PSMD4: variants seen among roughly 807,000 people sequenced by gnomAD.
PSMD4 encodes the protein proteasome 26S subunit ubiquitin receptor, non-ATPase 4, also known as 26S proteasome non-ATPase regulatory subunit 4.
PSMD4 carries 5 observed loss-of-function variants against 39.7 expected under a neutral mutation model. The ratio of observed to expected loss-of-function variants is 0.13; its 90% CI spans 0.07 to 0.26. The LOEUF (loss-of-function observed/expected upper bound fraction) is 0.26. Ranked by LOEUF, PSMD4 falls within the 10% of genes least tolerant of loss-of-function variation. The pLI is 1.00. For missense variants in PSMD4, 272 were observed against 486.1 expected, an observed-to-expected ratio of 0.56 and a Z score of 4.14; for synonymous variants, 143 against 174.6, an observed-to-expected ratio of 0.82 and a Z score of 1.43.
intron 2 of PSMD4, 115 bp downstream of exon 2, chr1:151,262,416 C>T: frequency 7.7e-7 from 1 of 1,301,554 alleles, no homozygotes; most frequent in Admixed American, 1.7e-5. Flanking sequence ...GCCTTCTGCA[C>T]TATTTAGTGT....
rs938923327 is a variant in PSMD4 at position 151,265,752 on chromosome 1, TC to T, written c.654+146del. ...TCCAAGACCTCCTTTTGCCGCCTCT[TC>T]CCTATAATGCTGTCTGATCTCTAGG... is the stretch of plus-strand genomic sequence containing the variant. On this transcript the variant is annotated intron_variant, in intron 6 of 9. Transcript: ENST00000368884. 4.1e-6 allele frequency: 4 copies of T among 972,568 alleles called. No individual in the cohort carries two copies. The African/African-American group carries it at 4.9e-5, about 12-fold the overall frequency. The allele number at this position is 972,568 out of a possible 1,614,324, so 60.2% of individuals were successfully genotyped here. A position where few individuals can be genotyped will look rare whatever the true frequency, so the allele number is the denominator to read the frequency against.
intron 1 of PSMD4, among the ~76,000 whole-genome samples, chr1:151,257,697 G>T (rs587650113): frequency 2.1e-5 from 3 of 145,054 alleles, no homozygotes; most frequent in Non-Finnish European, 3.0e-5. Flanking sequence ...CCAGGCACCC[G>T]CCACCATACC....
At chr1:151,257,264 T>C (rs587629851) in intron 1 of PSMD4, among the ~76,000 whole-genome samples, 5 of 152,298 alleles carry the variant, frequency 3.3e-5, no homozygotes, top group African/African-American at 1.2e-4. Flanking sequence ...TGCGGCTTTA[T>C]TTCTAGACTC....
At chr1:151,258,054 G>A (rs1314717873) in intron 1 of PSMD4, among the ~76,000 whole-genome samples, 6 of 150,846 alleles carry the variant, frequency 4.0e-5, no homozygotes, top group East Asian at 2.0e-4. Context: ...ATGGAGTCTC[G>A]CTTTTGTTGC....
chr1:151,265,992 G>A lies in PSMD4; in HGVS notation c.655-12G>A. ...GGCAGGGGAGCCCTGATTATGCCCT[G>A]CCCTTCACCAGGCCCTTCGTGTATC... is the stretch of plus-strand genomic sequence containing the variant. On this transcript the variant is annotated splice_polypyrimidine_tract_variant and intron_variant, in intron 6 of 9. Coordinates refer to ENST00000368884, the MANE Select transcript of PSMD4 (RefSeq NM_002810.4). 1 of 1,573,990 alleles carries A rather than the reference G, an allele frequency of 6.4e-7. No individual in the cohort carries two copies. Among genetic ancestry groups the A allele is most frequent in the Non-Finnish European group, 8.6e-7 (1 of 1,160,282 alleles).
At chr1:151,262,330 A>G (rs1693336732) in intron 2 of PSMD4, 29 bp downstream of exon 2, 3 of 1,613,902 alleles carry the variant, frequency 1.9e-6, no homozygotes, top group Non-Finnish European at 2.5e-6. Flanking sequence ...GAGGGGACTC[A>G]GTAGGTGGGT....
chr1:151,262,028 A>G, intron 1 of PSMD4, 133 bp from the exon 2 acceptor site: 1 of 863,656 alleles, frequency 1.2e-6, no homozygotes. Context: ...GATCATCTGT[A>G]TATTTAAAAA....
At position 151,262,600 on chromosome 1, in the gene PSMD4, C is replaced by T. The variant is rs1693340382; in HGVS notation, c.167+299C>T. On this transcript the variant is annotated intron_variant, in intron 2 of 9. Coordinates refer to ENST00000368884, the MANE Select transcript of PSMD4 (RefSeq NM_002810.4). ...CAGTGAAAAGTGATTTTGGGCTGGG[C>T]ACAGTGGCTCATGTCTGTAATCCCA... 5 of 331,462 alleles carry T rather than the reference C, an allele frequency of 1.5e-5. No homozygotes were observed. The East Asian group carries it at 2.8e-4, about 19-fold the overall frequency. 20.5% of individuals were successfully genotyped at this position (331,462 alleles called of 1,614,324 possible). A position where few individuals can be genotyped will look rare whatever the true frequency, so the allele number is the denominator to read the frequency against.
At chr1:151,259,164 G>A (rs1355771519) in intron 1 of PSMD4, 1 of 152,310 alleles carries the variant, frequency 6.6e-6, no homozygotes, top group African/African-American at 2.4e-5. Flanking sequence ...AGTGAGCTGT[G>A]ACTGCGCTTG....
At chr1:151,263,825 G>A (rs772069654) in intron 2 of PSMD4, 89 bp from the exon 3 acceptor site, 63 of 951,278 alleles carry the variant, frequency 6.6e-5, no homozygotes, top group Admixed American at 1.2e-4. Flanking sequence ...GTGAGACTCC[G>A]TCTAAAAAAT....
intron 7 of PSMD4, 44 bp downstream of exon 7, chr1:151,266,156 A>C: frequency 6.3e-7 from 1 of 1,590,220 alleles, no homozygotes; most frequent in Non-Finnish European, 8.6e-7. Flanking sequence ...CGGGATGCTA[A>C]ACATTGAAAG....
At position 151,267,396 on chromosome 1, in the gene PSMD4, G is replaced by A. The variant is rs957854428; in HGVS notation, c.*53G>A. ...GCTTAGGGGACTGCATGGGAAGCAC[G>A]GAATATAGGGTTAGATGTGTGTTAT... On this transcript the variant is annotated 3_prime_UTR_variant, in exon 10 of 10. Transcript: ENST00000368884. 1.1e-5 allele frequency: 18 copies of A among 1,575,064 alleles called. No individual in the cohort carries two copies. The highest frequency in any genetic ancestry group is 8.6e-5 in the Admixed American group (5 of 58,418).
At chr1:151,255,190 T>A (rs1427395082) in intron 1 of PSMD4, among the ~76,000 whole-genome samples, 1 of 152,226 alleles carries the variant, frequency 6.6e-6, no homozygotes, top group African/African-American at 2.4e-5. Flanking sequence ...ATTAATCCCT[T>A]CCTCTCCCCA....
Position 151,266,399 on chromosome 1 carries a change from G to A in PSMD4, c.855G>A (p.Glu285=). Residue 285 remains glutamate, a synonymous_variant, in exon 8 of 10, where the codon GAG becomes GAA. Coordinates refer to ENST00000368884, the MANE Select transcript of PSMD4 (RefSeq NM_002810.4). ...ACCTAAGCAGTATGACTGAGGAAGA[G>A]CAGATTGCTTATGCCATGCAGATGT... The part of the protein sequence containing the change: ...LPDLSSMTEE[E]QIAYAMQMSL... 2.5e-6 allele frequency: 4 copies of A among 1,614,238 alleles called. No homozygotes were observed. The highest frequency in any genetic ancestry group is 3.4e-6 in the Non-Finnish European group (4 of 1,180,046).
In PSMD4 at chr1:151,267,395, C is replaced by T. The variant is rs754794543; in HGVS notation, c.*52C>T. ...TGCTTAGGGGACTGCATGGGAAGCA[C>T]GGAATATAGGGTTAGATGTGTGTTA... On this transcript the variant is annotated 3_prime_UTR_variant, in exon 10 of 10. Transcript: ENST00000368884. 22 of 1,579,954 alleles carry T rather than the reference C, an allele frequency of 1.4e-5. No homozygotes were observed. Among genetic ancestry groups the T allele is most frequent in the African/African-American group, 4.0e-5 (3 of 74,090 alleles).
intron 1 of PSMD4, among the ~76,000 whole-genome samples, chr1:151,256,080 A>C (rs1452540142): frequency 6.6e-6 from 1 of 151,570 alleles, no homozygotes; most frequent in East Asian, 1.9e-4. Flanking sequence ...GGCGTGGCTC[A>C]GGCCTGTAAT....
chr1:151,261,146 C>T (rs1693307691), intron 1 of PSMD4, among the ~76,000 whole-genome samples: 1 of 150,894 alleles, frequency 6.6e-6, no homozygotes, highest in Non-Finnish European at 1.5e-5. Flanking sequence ...AGTCACTGTG[C>T]CCAGCCTATT....
At chr1:151,258,446 C>G (rs1319036550) in intron 1 of PSMD4, among the ~76,000 whole-genome samples, 1 of 131,732 alleles carries the variant, frequency 7.6e-6, no homozygotes, top group Non-Finnish European at 1.6e-5. Flanking sequence ...TTACCCTTTT[C>G]GAGTGTTTTT....
intron 1 of PSMD4, 88 bp from the exon 2 acceptor site, chr1:151,262,073 C>A: frequency 6.9e-7 from 1 of 1,442,124 alleles, no homozygotes; most frequent in Non-Finnish European, 9.7e-7. Flanking sequence ...ATGAAGACTG[C>A]TGCTATAGGG....
Sources: gnomAD v4.1 joint callset for allele counts (sites outside exome capture counted in the v4.1 genomes callset) on GRCh38, gnomAD v4.1.1 for gene constraint, MANE v1.5 for transcripts, NCBI Gene and HGNC (gene_info 2026-07-23, HGNC 2026-07-21) for gene names.